WIF1: variants seen among roughly 807,000 people sequenced by gnomAD.
The protein encoded by WIF1 is Wnt inhibitory factor 1.
Under a neutral mutation model 53.5 loss-of-function variants are expected in WIF1, and 35 were observed. The observed-to-expected ratio is 0.65, with a 90% CI of 0.50 to 0.87. WIF1 has a LOEUF of 0.87. Ranked by LOEUF, WIF1 falls within the 40% of genes least tolerant of loss-of-function variation. WIF1 has a pLI of 0.00. For missense variants in WIF1, 467 were observed against 476.8 expected (o/e 0.98, Z 0.19); for synonymous variants, 171 against 170.4 (o/e 1.00, Z -0.03).
At chr12:65,087,622 TAAA>T (rs1241376371) in intron 2 of WIF1, among the ~76,000 whole-genome samples, 1 of 151,894 alleles carries the variant, frequency 6.6e-6, no homozygotes, top group East Asian at 1.9e-4. Flanking sequence ...TTCTTTGATT[TAAA>T]AAAAAGGAGG....
chr12:65,051,609 T>C (rs754927521), intron 9 of WIF1, 139 bp from the exon 10 acceptor site: 8 of 1,095,430 alleles, frequency 7.3e-6, no homozygotes, highest in Non-Finnish European at 9.8e-6. Flanking sequence ...AAAAGCTACC[T>C]GAATGAAGAG....
chr12:65,073,458 T>C (rs1334402385), intron 3 of WIF1, among the ~76,000 whole-genome samples: 3 of 152,208 alleles, frequency 2.0e-5, no homozygotes, highest in Non-Finnish European at 4.4e-5. Flanking sequence ...ATGAAACTGT[T>C]TTTTGTTATA....
intron 2 of WIF1, among the ~76,000 whole-genome samples, chr12:65,098,656 C>CTGTGTG (rs113954429): frequency 4.0e-5 from 6 of 150,714 alleles, no homozygotes; most frequent in African/African-American, 1.5e-4. Flanking sequence ...ACATTAAAGT[C>CTGTGTG]TGTGTGTGTG....
At chr12:65,068,612 C>T (rs1882723208) in intron 4 of WIF1, 152 bp downstream of exon 4, 2 of 987,514 alleles carry the variant, frequency 2.0e-6, no homozygotes, top group South Asian at 4.1e-5. Context: ...TCTCCTCCTT[C>T]CGTTGCTGTA....
chr12:65,082,712 C>T (rs186441502), intron 2 of WIF1, among the ~76,000 whole-genome samples: 1 of 152,254 alleles, frequency 6.6e-6, no homozygotes, highest in African/African-American at 2.4e-5. Context: ...TTTGTTCTGG[C>T]ACTCCTTTTA....
At chr12:65,088,798 A>G (rs1883080590) in intron 2 of WIF1, among the ~76,000 whole-genome samples, 1 of 151,762 alleles carries the variant, frequency 6.6e-6, no homozygotes, top group South Asian at 2.1e-4. Flanking sequence ...TTGCACCTCA[A>G]AAAAAAAGTT....
At chr12:65,092,508 G>GTATATA (rs144164448) in intron 2 of WIF1, among the ~76,000 whole-genome samples, 3,788 of 146,706 alleles carry the variant, frequency 0.026, 78 homozygotes, top group Non-Finnish European at 0.033. Context: ...ATATATGTGT[G>GTATATA]TATATATATA....
At chr12:65,061,529 G>A (rs1485765135) in intron 7 of WIF1, among the ~76,000 whole-genome samples, 12 of 152,186 alleles carry the variant, frequency 7.9e-5, no homozygotes, top group Admixed American at 7.9e-4. Flanking sequence ...CAATCTAGGA[G>A]GGAGTTATCT....
At chr12:65,061,859 C>T (rs186383954) in intron 7 of WIF1, among the ~76,000 whole-genome samples, 71 of 152,260 alleles carry the variant, frequency 4.7e-4, no homozygotes, top group Non-Finnish European at 4.7e-4. Context: ...TACTGTCATC[C>T]GTTAGTTTCA....
At chr12:65,112,418 A>ACACACACACACG (rs1883445994) in intron 2 of WIF1, among the ~76,000 whole-genome samples, 1 of 149,232 alleles carries the variant, frequency 6.7e-6, no homozygotes. Context: ...ACACACACAC[A>ACACACACACACG]CACACACACA....
At chr12:65,053,677 C>T (rs1027931539) in intron 9 of WIF1, among the ~76,000 whole-genome samples, 2 of 152,066 alleles carry the variant, frequency 1.3e-5, no homozygotes, top group African/African-American at 4.8e-5. Context: ...AGTGTGAGAA[C>T]AGACTAATAC....
intron 6 of WIF1, among the ~76,000 whole-genome samples, chr12:65,062,796 C>T (rs1397165473): frequency 6.6e-6 from 1 of 151,994 alleles, no homozygotes; most frequent in Non-Finnish European, 1.5e-5. Context: ...CATATACTAC[C>T]CACCAGTAGG....
intron 2 of WIF1, among the ~76,000 whole-genome samples, chr12:65,105,043 G>A (rs567775422): frequency 5.9e-5 from 9 of 152,238 alleles, no homozygotes; most frequent in African/African-American, 2.2e-4. Flanking sequence ...AAGTAAGAAA[G>A]GGGTTAAAAC....
intron 2 of WIF1, among the ~76,000 whole-genome samples, chr12:65,098,882 G>C (rs550414447): frequency 6.6e-6 from 1 of 152,286 alleles, no homozygotes; most frequent in South Asian, 2.1e-4. Context: ...TGGGAAGTCA[G>C]TCATCATTTC....
intron 7 of WIF1, among the ~76,000 whole-genome samples, chr12:65,060,197 T>A (rs891456056): frequency 6.6e-6 from 1 of 152,132 alleles, no homozygotes; most frequent in Non-Finnish European, 1.5e-5. Context: ...CACCCCCAGG[T>A]AAATATTCTG....
intron 2 of WIF1, among the ~76,000 whole-genome samples, chr12:65,098,849 C>A: frequency 6.6e-6 from 1 of 152,160 alleles, no homozygotes; most frequent in African/African-American, 2.4e-5. Context: ...TGCCCTTTAG[C>A]CAGCTCTATT....
intron 2 of WIF1, among the ~76,000 whole-genome samples, chr12:65,108,626 T>C (rs531137614): frequency 7.2e-5 from 11 of 152,272 alleles, no homozygotes; most frequent in African/African-American, 2.6e-4. Context: ...CGATTACACC[T>C]CCCCTCCCTC....
At chr12:65,105,770 C>T (rs1164894188) in intron 2 of WIF1, among the ~76,000 whole-genome samples, 1 of 152,124 alleles carries the variant, frequency 6.6e-6, no homozygotes, top group Non-Finnish European at 1.5e-5. Context: ...ACCCAAACAC[C>T]TCCCACTGGG....
chr12:65,075,319 C>A (rs950101498), intron 3 of WIF1, among the ~76,000 whole-genome samples: 1 of 152,188 alleles, frequency 6.6e-6, no homozygotes, highest in African/African-American at 2.4e-5. Context: ...GTAAAAGTAT[C>A]TGATCTCCTG....
Sources: gnomAD v4.1 joint callset for allele counts (sites outside exome capture counted in the v4.1 genomes callset) on GRCh38, gnomAD v4.1.1 for gene constraint, MANE v1.5 for transcripts, NCBI Gene and HGNC (gene_info 2026-07-23, HGNC 2026-07-21) for gene names.